Variants in LOC102723971 observed in about 807,000 individuals in gnomAD.
At chr9:135,614,790 G>A in the LOC102723971 span, among the ~76,000 whole-genome samples, 1 of 152,108 alleles carries the variant, frequency 6.6e-6, no homozygotes, top group Admixed American at 6.5e-5. Flanking sequence ...CCTCCTCCCT[G>A]TGTGGCCCCT....
chr9:135,619,167 T>C, the LOC102723971 span, among the ~76,000 whole-genome samples: 1 of 152,054 alleles, frequency 6.6e-6, no homozygotes, highest in South Asian at 2.1e-4. Flanking sequence ...GAAGGCCTCT[T>C]CCCTCTGTGC....
At chr9:135,619,063 G>A in the LOC102723971 span, 478 of 399,804 alleles carry the variant, frequency 1.2e-3, no homozygotes, top group African/African-American at 8.8e-3. Flanking sequence ...ACTGTCCCCA[G>A]GTCCCCCTGG....
the LOC102723971 span, chr9:135,616,900 C>G: frequency 2.5e-6 from 1 of 398,590 alleles, no homozygotes; most frequent in East Asian, 3.6e-5. Flanking sequence ...GGCCCGGGGT[C>G]TCCAACAGTC....
At chr9:135,616,511 G>T in the LOC102723971 span, 1,017 of 398,006 alleles carry the variant, frequency 2.6e-3, 6 homozygotes, top group African/African-American at 0.019. Context: ...CCCTGAGAGG[G>T]CCACCACGTC....
chr9:135,619,220 G>A, the LOC102723971 span, among the ~76,000 whole-genome samples: 3 of 152,208 alleles, frequency 2.0e-5, no homozygotes, highest in Admixed American at 6.5e-5. Flanking sequence ...ACAGCCAAGG[G>A]CCAGCAGTGT....
At chr9:135,616,284 T>C in the LOC102723971 span, among the ~76,000 whole-genome samples, 823 of 152,290 alleles carry the variant, frequency 5.4e-3, 4 homozygotes, top group African/African-American at 0.019. Context: ...GGGACCCATC[T>C]GTTCCAGGAG....
chr9:135,616,720 C>T, the LOC102723971 span: 9 of 398,424 alleles, frequency 2.3e-5, no homozygotes, highest in Non-Finnish European at 3.5e-5. Flanking sequence ...GAGCAAGGGG[C>T]GCTCGGATGT....
chr9:135,615,532 T>C, the LOC102723971 span: 1 of 398,710 alleles, frequency 2.5e-6, no homozygotes, highest in Non-Finnish European at 4.4e-6. Flanking sequence ...TCTCAGGCGC[T>C]CATTCTCAGA....
chr9:135,619,858 TTCTCCCCCTTCTCCCCCTTCTCCCCAA>T, the LOC102723971 span, among the ~76,000 whole-genome samples: 8 of 58,280 alleles, frequency 1.4e-4, no homozygotes, highest in South Asian at 1.4e-3. Context: ...CTTCTCCCCC[TTCTCCCCCTTCTCCCCCTTCTCCCCAA>T]TCTCCCCCGT....
chr9:135,616,640 A>T, the LOC102723971 span: 1 of 398,726 alleles, frequency 2.5e-6, no homozygotes, highest in Non-Finnish European at 4.4e-6. Flanking sequence ...ACCCAGTTGC[A>T]AGGCCAGTAC....
At chr9:135,619,833 C>T in the LOC102723971 span, among the ~76,000 whole-genome samples, 69 of 151,278 alleles carry the variant, frequency 4.6e-4, no homozygotes, top group African/African-American at 1.6e-3. Context: ...GCCCCGAAAA[C>T]GCCTCCAGTG....
chr9:135,615,856 C>T, the LOC102723971 span, among the ~76,000 whole-genome samples: 2 of 152,224 alleles, frequency 1.3e-5, no homozygotes, highest in African/African-American at 4.8e-5. Flanking sequence ...GCCCACACCC[C>T]TTCCGGCCCC....
At chr9:135,618,176 C>T in the LOC102723971 span, 10 of 395,134 alleles carry the variant, frequency 2.5e-5, no homozygotes, top group African/African-American at 1.4e-4. Context: ...AGGCCTGTGC[C>T]GGCTGCTTCA....
the LOC102723971 span, chr9:135,615,216 G>A: frequency 5.1e-6 from 2 of 394,696 alleles, no homozygotes; most frequent in Non-Finnish European, 4.4e-6. Flanking sequence ...TCCTGTCCCG[G>A]CCCACGCCCC....
At chr9:135,617,424 G>A in the LOC102723971 span, among the ~76,000 whole-genome samples, 1 of 152,224 alleles carries the variant, frequency 6.6e-6, no homozygotes, top group African/African-American at 2.4e-5. Flanking sequence ...AAGGGCACAG[G>A]GGACTGAGTG....
the LOC102723971 span, chr9:135,617,805 C>T: frequency 5.1e-6 from 2 of 395,236 alleles, no homozygotes; most frequent in African/African-American, 4.1e-5. Flanking sequence ...GAAGAGCCCC[C>T]AGACTGTGTC....
the LOC102723971 span, chr9:135,618,894 G>A: frequency 2.5e-6 from 1 of 398,814 alleles, no homozygotes; most frequent in South Asian, 1.3e-4. Flanking sequence ...AATGAGTGAA[G>A]TCCTCAGAAT....
the LOC102723971 span, among the ~76,000 whole-genome samples, chr9:135,618,412 G>C: frequency 6.6e-6 from 1 of 151,906 alleles, no homozygotes; most frequent in South Asian, 2.1e-4. Flanking sequence ...ACAAGCACAC[G>C]GGCCAGGCCT....
the LOC102723971 span, among the ~76,000 whole-genome samples, chr9:135,618,298 C>A: frequency 6.6e-6 from 1 of 152,154 alleles, no homozygotes; most frequent in East Asian, 1.9e-4. Context: ...AGTTGCACAG[C>A]CAGGAGGAGG....
Sources: gnomAD v4.1 joint callset for allele counts (sites outside exome capture counted in the v4.1 genomes callset) on GRCh38, gnomAD v4.1.1 for gene constraint, MANE v1.5 for transcripts.